Variants in ABCC8 observed in about 807,000 individuals in gnomAD.
ABCC8 encodes the protein ATP binding cassette subfamily C member 8.
Under a neutral mutation model 188.0 loss-of-function variants are expected in ABCC8, and 137 were observed. That is an observed-to-expected ratio of 0.73 (90% CI 0.63 to 0.84). The LOEUF (loss-of-function observed/expected upper bound fraction) is 0.84. ABCC8 is among the 40% of genes least tolerant of loss of function. ABCC8 has a pLI of 0.00. For missense variants in ABCC8, 1,750 were observed against 2,072.7 expected, an observed-to-expected ratio of 0.84 and a Z score of 3.02; for synonymous variants, 797 against 846.5, an observed-to-expected ratio of 0.94 and a Z score of 1.01.
chr11:17,406,755 C>T lies in ABCC8; in HGVS notation c.3196G>A (p.Val1066Met). 6.2e-7 allele frequency: 1 copy of T among 1,614,226 alleles called. No individual in the cohort carries two copies. The highest frequency in any genetic ancestry group is 8.5e-7 in the Non-Finnish European group (1 of 1,180,032). Residue 1066 changes from valine (V) to methionine (M), a missense_variant, in exon 26 of 39, where the codon GTG becomes ATG. Coordinates refer to ENST00000389817, the MANE Select transcript of ABCC8 (RefSeq NM_000352.6). ...CTLDQTVYAM[V>M]FTVLCSLGIV... ...CCCAGGCTGCAGAGCACCGTGAACA[C>T]CATGGCATAGACAGTCTGGTCGAGG...
chr11:17,409,357 G>T (rs1177411703), intron 22 of ABCC8, among the ~76,000 whole-genome samples: 3 of 152,116 alleles, frequency 2.0e-5, no homozygotes, highest in Admixed American at 1.3e-4. Flanking sequence ...CCCGCCCTAT[G>T]CTGGGGTTCA....
intron 3 of ABCC8, among the ~76,000 whole-genome samples, chr11:17,467,559 C>T (rs11826760): frequency 0.32 from 49,423 of 152,214 alleles, 8,054 homozygotes; most frequent in Middle Eastern, 0.46. Flanking sequence ...CCAGTTAGTT[C>T]CTTCAGTTCT....
chr11:17,415,816 C>T (rs368432336), intron 17 of ABCC8, among the ~76,000 whole-genome samples: 35 of 152,336 alleles, frequency 2.3e-4, no homozygotes, highest in Non-Finnish European at 3.2e-4. Flanking sequence ...GCTGGGAACC[C>T]GCAGCCCTGG....
rs1287724644 is a variant in ABCC8 at position 17,404,148 on chromosome 11, C to T, written c.3557+364G>A. On this transcript the variant is annotated intron_variant, in intron 28 of 38. Transcript: ENST00000389817. The surrounding 1 kb of genome is among the most constrained non-coding windows in gnomAD (Gnocchi z 4.7). ...CATAACACTGCTTGAATCAGGTGCC[C>T]GCCGATTTCATGCATCAGCAATCAG... 2.6e-5 allele frequency among the ~76,000 whole-genome samples: 4 copies of T among 152,092 alleles called. No homozygotes were observed. The highest frequency in any genetic ancestry group is 4.4e-5 in the Non-Finnish European group (3 of 68,022).
intron 12 of ABCC8, chr11:17,429,702 C>T (rs1200033247): frequency 7.2e-5 from 11 of 152,208 alleles, no homozygotes; most frequent in Admixed American, 5.9e-4. Flanking sequence ...GTGGTTTCTA[C>T]ACAGAATCAT....
At chr11:17,472,116 C>G (rs563289064) in intron 2 of ABCC8, among the ~76,000 whole-genome samples, 1 of 151,750 alleles carries the variant, frequency 6.6e-6, no homozygotes, top group Admixed American at 6.6e-5. Context: ...CTTTTTTTTG[C>G]AATAGGAGGT....
chr11:17,429,551 G>T (rs1326297040), intron 12 of ABCC8: 1 of 152,248 alleles, frequency 6.6e-6, no homozygotes, highest in Non-Finnish European at 1.5e-5. Flanking sequence ...CCTTCAGCCA[G>T]AGCCTGAGCT....
chr11:17,426,045 A>G (rs957119320), intron 16 of ABCC8, among the ~76,000 whole-genome samples: 10 of 152,190 alleles, frequency 6.6e-5, no homozygotes, highest in Non-Finnish European at 1.5e-4. Flanking sequence ...ATAGTATTCC[A>G]TGGTGTATAT....
At chr11:17,460,921 G>A in intron 5 of ABCC8, 1 of 688,358 alleles carries the variant, frequency 1.5e-6, no homozygotes, top group Non-Finnish European at 2.3e-6. Context: ...TCACACAGCT[G>A]GTCAGGGACT....
intron 10 of ABCC8, among the ~76,000 whole-genome samples, chr11:17,437,560 G>A (rs11024286): frequency 0.28 from 42,186 of 152,180 alleles, 6,236 homozygotes; most frequent in Non-Finnish European, 0.33. Context: ...AGGTGCACGG[G>A]GCTGTTTCCC....
At chr11:17,406,335 G>A (rs1954520584) in intron 26 of ABCC8, 1 of 479,050 alleles carries the variant, frequency 2.1e-6, no homozygotes. Flanking sequence ...CCCACTTAGG[G>A]AGGAGAAAAC....
intron 10 of ABCC8, among the ~76,000 whole-genome samples, chr11:17,432,830 C>T (rs1955909249): frequency 6.6e-6 from 1 of 152,070 alleles, no homozygotes. Flanking sequence ...AAACATGTGG[C>T]CTTTAGATCA....
At chr11:17,423,038 A>G (rs1265426288) in intron 16 of ABCC8, among the ~76,000 whole-genome samples, 1 of 151,942 alleles carries the variant, frequency 6.6e-6, no homozygotes. Context: ...AGCTCTTCTA[A>G]GGCCCAGGTC....
intron 10 of ABCC8, among the ~76,000 whole-genome samples, chr11:17,440,149 G>C (rs1956257529): frequency 6.6e-6 from 1 of 152,150 alleles, no homozygotes; most frequent in African/African-American, 2.4e-5. Flanking sequence ...TGGGGACCCA[G>C]TGCCCCCACT....
rs2133402635 is a variant in ABCC8, at chr11:17,395,913, G to T, written c.4137C>A (p.Arg1379=). The stretch of plus-strand genomic sequence containing the variant: ...AGAAGGAGGACTTCCCACTGCCGGT[G>T]CGGCCGCAGATCCCGATCTGGAAAG... ...APGQKIGICG[R]TGSGKSSFSL... Residue 1379 remains arginine, a synonymous_variant, in exon 34 of 39, where the codon CGC becomes CGA. Transcript: ENST00000389817. 6.3e-7 allele frequency: 1 copy of T among 1,586,056 alleles called. No individual in the cohort carries two copies. Among genetic ancestry groups the T allele is most frequent in the Non-Finnish European group, 8.6e-7 (1 of 1,164,728 alleles).
chr11:17,407,154 G>T, intron 24 of ABCC8, 25 bp from the exon 25 acceptor site: 1 of 1,605,318 alleles, frequency 6.2e-7, no homozygotes, highest in South Asian at 1.1e-5. Context: ...AACCCACTCT[G>T]TGGCTACACA....
intron 16 of ABCC8, among the ~76,000 whole-genome samples, chr11:17,424,703 C>T (rs1955505502): frequency 6.6e-6 from 1 of 152,214 alleles, no homozygotes; most frequent in Non-Finnish European, 1.5e-5. Flanking sequence ...AAAGCCCTGC[C>T]TTGGAGGAGA....
chr11:17,429,595 T>C (rs148451026), intron 12 of ABCC8: 2,910 of 152,368 alleles, frequency 0.019, 45 homozygotes, highest in Middle Eastern at 0.041. Context: ...ACTCTGGTGT[T>C]CCATTCCTGG....
Position 17,427,195 on chromosome 11 carries a change from G to C in ABCC8, c.2117-41C>G, listed in dbSNP as rs1212826736. ...GTGGCAGATGTGAGTGGGGCCGGGG[G>C]AGTCTGAACAACCATTACCCAGAAA... On this transcript the variant is annotated intron_variant, in intron 15 of 38. Coordinates refer to ENST00000389817, the MANE Select transcript of ABCC8 (RefSeq NM_000352.6). The surrounding 1 kb of genome is among the most constrained non-coding windows in gnomAD (Gnocchi z 5.0). 6.3e-7 allele frequency: 1 copy of C among 1,577,394 alleles called. No homozygotes were observed. The highest frequency in any genetic ancestry group is 2.3e-5 in the East Asian group (1 of 43,414).
Sources: gnomAD v4.1 joint callset for allele counts (sites outside exome capture counted in the v4.1 genomes callset) on GRCh38, gnomAD v4.1.1 for gene constraint, Gnocchi (gnomAD v3.1) non-coding constraint, MANE v1.5 for transcripts, NCBI Gene and HGNC (gene_info 2026-07-23, HGNC 2026-07-21) for gene names.